PSD3: variants seen among roughly 807,000 people sequenced by gnomAD.
The protein encoded by PSD3 is pleckstrin and Sec7 domain containing 3.
Under a neutral mutation model 105.5 loss-of-function variants are expected in PSD3, and 49 were observed. The ratio of observed to expected loss-of-function variants is 0.46; its 90% CI spans 0.37 to 0.59. The LOEUF (loss-of-function observed/expected upper bound fraction) is 0.59, where lower values mean the gene tolerates loss of function less well. Among genes scored for constraint, PSD3 ranks in the 20% least tolerant of loss-of-function variants. The probability of loss-of-function intolerance (pLI) is 0.00; values close to 1 mark genes in which losing one functional copy is unlikely to be tolerated. For missense variants in PSD3, 1,561 were observed against 1,263.8 expected (o/e 1.24, Z -3.57); for synonymous variants, 557 against 457.8 (o/e 1.22, Z -2.77).
chr8:19,044,662 G>A (rs901910175), intron 1 of PSD3, among the ~76,000 whole-genome samples: 2 of 152,128 alleles, frequency 1.3e-5, no homozygotes, highest in African/African-American at 4.8e-5. Flanking sequence ...GGAGTTTGCT[G>A]TCTAATGAGA....
intron 9 of PSD3, among the ~76,000 whole-genome samples, chr8:18,668,390 T>C (rs1475512536): frequency 6.6e-6 from 1 of 152,244 alleles, no homozygotes; most frequent in Non-Finnish European, 1.5e-5. Flanking sequence ...GTTCTAGCCA[T>C]TTCAAATAAC....
chr8:18,772,905 T>C (rs1438373540), intron 8 of PSD3, among the ~76,000 whole-genome samples: 4 of 152,232 alleles, frequency 2.6e-5, no homozygotes, highest in Non-Finnish European at 4.4e-5. Context: ...TGTGGAAATA[T>C]AGGAGTTCTT....
chr8:18,538,692 A>T (rs950410522), intron 15 of PSD3, among the ~76,000 whole-genome samples: 2 of 152,226 alleles, frequency 1.3e-5, no homozygotes, highest in Non-Finnish European at 2.9e-5. Flanking sequence ...GATGATAGGG[A>T]CAGTTTTCCA....
intron 1 of PSD3, among the ~76,000 whole-genome samples, chr8:19,033,438 C>T (rs972100763): frequency 1.3e-5 from 2 of 152,050 alleles, no homozygotes; most frequent in African/African-American, 4.8e-5. Context: ...TTGATTCTCT[C>T]TAAGAATAGT....
intron 12 of PSD3, among the ~76,000 whole-genome samples, chr8:18,585,485 T>G (rs549468550): frequency 6.6e-6 from 1 of 152,178 alleles, no homozygotes; most frequent in Admixed American, 6.5e-5. Flanking sequence ...GTCTGGCTAA[T>G]TTTTGTATTT....
chr8:18,739,960 A>G (rs1804431102), intron 9 of PSD3, among the ~76,000 whole-genome samples: 1 of 152,226 alleles, frequency 6.6e-6, no homozygotes, highest in African/African-American at 2.4e-5. Flanking sequence ...AGAAATGTCA[A>G]GAACTCACAA....
In PSD3 at chr8:18,572,565, C is replaced by T. The variant is rs544777165; in HGVS notation, c.2747G>A (p.Arg916His). The change falls in exon 14 of 16, where the codon CGC (arginine) becomes CAC (histidine). Residue 916 changes from arginine (R) to histidine (H), a missense_variant. Coordinates refer to ENST00000327040, the MANE Select transcript of PSD3 (RefSeq NM_015310.4). ...AAIGSQKKFSRPLLPATTTKL... is the reference protein window; with the variant it reads ...AAIGSQKKFSHPLLPATTTKL... ...TGTTGTAGTGGCAGGCAGAAGTGGG[C>T]GGCTAAACTTCTTCTGAGAGCCGAT... The T allele has an allele frequency of 5.6e-6, 9 of 1,613,814 alleles. No individual in the cohort carries two copies. The highest frequency in any genetic ancestry group is 4.5e-5 in the East Asian group (2 of 44,866).
intron 8 of PSD3, chr8:18,774,437 A>C (rs982555737): frequency 6.0e-6 from 1 of 167,380 alleles, no homozygotes; most frequent in Non-Finnish European, 1.3e-5. Flanking sequence ...AACTATAGTC[A>C]CTCTACTGCA....
At chr8:19,029,188 A>G (rs1827670989) in intron 1 of PSD3, among the ~76,000 whole-genome samples, 1 of 152,190 alleles carries the variant, frequency 6.6e-6, no homozygotes, top group Admixed American at 6.5e-5. Context: ...TATTAGTTTC[A>G]TTAAAAATGT....
intron 4 of PSD3, among the ~76,000 whole-genome samples, chr8:18,846,399 G>A (rs187138375): frequency 3.0e-4 from 46 of 152,226 alleles, no homozygotes; most frequent in African/African-American, 1.0e-3. Context: ...GAACAGAAAC[G>A]TAGGGGGCGG....
intron 10 of PSD3, among the ~76,000 whole-genome samples, chr8:18,645,612 T>C (rs192718950): frequency 4.6e-5 from 7 of 152,362 alleles, no homozygotes; most frequent in Non-Finnish European, 1.0e-4. Flanking sequence ...AGTACTAACA[T>C]TAGCATTATT....
chr8:18,817,030 G>A (rs896080596), intron 4 of PSD3, among the ~76,000 whole-genome samples: 2 of 152,158 alleles, frequency 1.3e-5, no homozygotes, highest in African/African-American at 4.8e-5. Flanking sequence ...TGCAGGCCTG[G>A]GCAAGATGGC....
intron 8 of PSD3, among the ~76,000 whole-genome samples, chr8:18,772,077 T>C (rs1486807763): frequency 6.6e-6 from 1 of 152,224 alleles, no homozygotes; most frequent in Admixed American, 6.5e-5. Context: ...TTTTTAAGGC[T>C]GAACGATTTT....
chr8:18,635,948 C>A (rs1341358556), intron 10 of PSD3, among the ~76,000 whole-genome samples: 1 of 152,038 alleles, frequency 6.6e-6, no homozygotes, highest in Non-Finnish European at 1.5e-5. Flanking sequence ...GCACGTGGGG[C>A]TTAAAACCTA....
chr8:18,918,441 T>A (rs1293618497), intron 2 of PSD3, among the ~76,000 whole-genome samples: 1 of 152,218 alleles, frequency 6.6e-6, no homozygotes, highest in Non-Finnish European at 1.5e-5. Context: ...AGAATCATGT[T>A]ATTACTTGCC....
At chr8:18,732,992 G>A (rs1357563339) in intron 9 of PSD3, 1 of 152,058 alleles carries the variant, frequency 6.6e-6, no homozygotes, top group Admixed American at 6.6e-5. Flanking sequence ...AACCAACGAA[G>A]GAGAGAAAAG....
chr8:18,743,336 A>T (rs979769264), intron 9 of PSD3, among the ~76,000 whole-genome samples: 1 of 152,222 alleles, frequency 6.6e-6, no homozygotes, highest in Admixed American at 6.5e-5. Flanking sequence ...AACTCTGTCA[A>T]AGGGCAATAA....
At chr8:18,793,478 C>T (rs926295817) in intron 8 of PSD3, among the ~76,000 whole-genome samples, 2 of 151,374 alleles carry the variant, frequency 1.3e-5, no homozygotes, top group East Asian at 3.9e-4. Flanking sequence ...ACATAGACCC[C>T]TGACCTTAAA....
In PSD3 at chr8:18,936,148, A is replaced by C; in HGVS notation, c.22-6T>G. 6.3e-7 allele frequency: 1 copy of C among 1,586,784 alleles called. No homozygotes were observed. The stretch of plus-strand genomic sequence containing the variant: ...ACCCAAACAAATGTCTCTGCCTGCA[A>C]AATAAGAACAAAACAAAGACACATT... On this transcript the variant is annotated splice_polypyrimidine_tract_variant and splice_region_variant and intron_variant, in intron 1 of 15. Transcript: ENST00000327040.
Sources: gnomAD v4.1 joint callset for allele counts (sites outside exome capture counted in the v4.1 genomes callset) on GRCh38, gnomAD v4.1.1 for gene constraint, MANE v1.5 for transcripts, NCBI Gene and HGNC (gene_info 2026-07-23, HGNC 2026-07-21) for gene names.